SENP7: variants seen among roughly 807,000 people sequenced by gnomAD.
SENP7 encodes SUMO specific peptidase 7, also known as sentrin-specific protease 7.
Under a neutral mutation model 141.2 loss-of-function variants are expected in SENP7, and 64 were observed. That is an observed-to-expected ratio of 0.45 (90% CI 0.37 to 0.56). The LOEUF is 0.56. SENP7 is among the 20% of genes least tolerant of loss of function. The pLI is 0.00. For synonymous variants in SENP7, 382 were observed against 426.4 expected (o/e 0.90, Z 1.28); for missense variants, 1,025 against 1,212.2 (o/e 0.85, Z 2.29).
At position 101,372,080 on chromosome 3, in the gene SENP7, T is replaced by A. The variant is rs116197973; in HGVS notation, c.724A>T (p.Thr242Ser). Residue 242 changes from threonine (T) to serine (S), a missense_variant, in exon 7 of 24, where the codon ACT (threonine) becomes TCT (serine). Thr to Ser is a moderately conservative substitution (Grantham distance 58). Transcript: ENST00000394095. ...CTTCGTTTTTCTTTATTGTGCGCAG[T>A]CTGCTTTGCAGAATTGTCATCTACT... is the stretch of plus-strand genomic sequence containing the variant. ...KTVDDNSAKQ[T>S]AHNKEKRRKD... 1.8e-3 allele frequency: 2,852 copies of A among 1,570,310 alleles called. 48 individuals are homozygous for A. In the African/African-American group the frequency reaches 0.035, roughly 19 times the overall value.
Position 101,469,810 on chromosome 3 carries a change from G to A in SENP7, c.187-10758C>T, listed in dbSNP as rs1434287611. Among the ~76,000 whole-genome samples, 3 of 71,044 alleles carry A rather than the reference G, an allele frequency of 4.2e-5. 1 individual carries two copies. The highest frequency in any genetic ancestry group is 8.8e-4 in the East Asian group (2 of 2,276). The allele number at this position is 71,044 out of a possible 152,430, so 46.6% of individuals were successfully genotyped here. A position where few individuals can be genotyped will look rare whatever the true frequency, so the allele number is the denominator to read the frequency against. On this transcript the variant is annotated intron_variant, in intron 3 of 23. Transcript: ENST00000394095. ...CTGCAGTCCGTAGTCCGGCCTGGGC[G>A]ACAGAGCAAGACTCCGTCTCAAAAA...
At chr3:101,453,997 T>A in intron 4 of SENP7, among the ~76,000 whole-genome samples, 1 of 150,566 alleles carries the variant, frequency 6.6e-6, no homozygotes, top group African/African-American at 2.4e-5. Context: ...GATGGAAAGA[T>A]GGAAGGAAAG....
chr3:101,367,734 A>C, intron 8 of SENP7, 96 bp downstream of exon 8: 1 of 747,328 alleles, frequency 1.3e-6, no homozygotes, highest in Non-Finnish European at 2.1e-6. Context: ...CTCATAATAA[A>C]AGCTGAAAGC....
chr3:101,330,437 C>G (rs1377498033), intron 19 of SENP7, 51 bp from the exon 20 acceptor site: 3 of 1,259,502 alleles, frequency 2.4e-6, no homozygotes, highest in Non-Finnish European at 3.4e-6. Flanking sequence ...TGTTTTTATA[C>G]AGGTAACTTA....
chr3:101,360,460 T>C (rs1420734607), intron 11 of SENP7, among the ~76,000 whole-genome samples: 1 of 152,236 alleles, frequency 6.6e-6, no homozygotes, highest in Non-Finnish European at 1.5e-5. Context: ...TATGTGTCTG[T>C]CTCTTCCATT....
chr3:101,343,929 A>G lies in SENP7; in HGVS notation c.1863T>C (p.Leu621=). The G allele has an allele frequency of 6.3e-7, 1 of 1,587,354 alleles. No individual in the cohort carries two copies. The highest frequency in any genetic ancestry group is 8.6e-7 in the Non-Finnish European group (1 of 1,167,602). ...TTTGTGAAACAGGATTGTGTAGTTC[A>G]AGGAAAATGAATTCACTAGATTTTG... The part of the protein sequence containing the change: ...QQSKSSEFIF[L]ELHNPVSQRE... Residue 621 remains leucine, a synonymous_variant, in exon 14 of 24, where the codon CTT becomes CTC. Coordinates refer to ENST00000394095, the MANE Select transcript of SENP7 (RefSeq NM_020654.5).
chr3:101,462,146 G>A (rs2063566728), intron 3 of SENP7, among the ~76,000 whole-genome samples: 1 of 152,234 alleles, frequency 6.6e-6, no homozygotes, highest in Non-Finnish European at 1.5e-5. Context: ...CCACTAAATT[G>A]AATGCCATAA....
intron 13 of SENP7, 93 bp downstream of exon 13, chr3:101,347,779 C>A: frequency 1.1e-5 from 6 of 526,452 alleles, no homozygotes; most frequent in South Asian, 5.7e-5. Flanking sequence ...AATTTCAATT[C>A]ACTGAAATAA....
intron 1 of SENP7, among the ~76,000 whole-genome samples, chr3:101,508,385 A>C (rs541269825): frequency 1.5e-4 from 23 of 152,234 alleles, no homozygotes; most frequent in African/African-American, 5.5e-4. Context: ...TCACGAGGTC[A>C]GGAGATCAAG....
intron 4 of SENP7, chr3:101,457,403 C>T: frequency 6.6e-7 from 1 of 1,505,084 alleles, no homozygotes; most frequent in Non-Finnish European, 9.2e-7. Flanking sequence ...CTACACCAAG[C>T]TGGTTTAAGA....
intron 3 of SENP7, among the ~76,000 whole-genome samples, chr3:101,483,354 TCA>T (rs2064581479): frequency 2.0e-5 from 3 of 152,208 alleles, no homozygotes; most frequent in Admixed American, 6.5e-5. Flanking sequence ...CTACATGTTC[TCA>T]CTTATGGCCA....
At chr3:101,393,609 A>C (rs76380093) in intron 6 of SENP7, among the ~76,000 whole-genome samples, 201 of 152,334 alleles carry the variant, frequency 1.3e-3, no homozygotes, top group Non-Finnish European at 1.5e-3. Flanking sequence ...TTCACTAATT[A>C]GGGAAATATA....
intron 4 of SENP7, among the ~76,000 whole-genome samples, chr3:101,448,145 G>C (rs1231416652): frequency 6.6e-6 from 1 of 152,166 alleles, no homozygotes; most frequent in South Asian, 2.1e-4. Flanking sequence ...AAAACTCTTA[G>C]AAGAAAACAC....
chr3:101,386,672 G>A (rs558089630), intron 6 of SENP7, among the ~76,000 whole-genome samples: 7 of 152,298 alleles, frequency 4.6e-5, no homozygotes, highest in East Asian at 1.9e-4. Flanking sequence ...AGTATCCTGC[G>A]TGCCAGAAAA....
At chr3:101,483,377 C>T (rs2064582642) in intron 3 of SENP7, among the ~76,000 whole-genome samples, 1 of 152,148 alleles carries the variant, frequency 6.6e-6, no homozygotes, top group African/African-American at 2.4e-5. Context: ...CCCATGCCAT[C>T]TTTATGTCCA....
intron 11 of SENP7, among the ~76,000 whole-genome samples, chr3:101,360,402 T>C (rs938979500): frequency 6.6e-6 from 1 of 152,228 alleles, no homozygotes; most frequent in Non-Finnish European, 1.5e-5. Flanking sequence ...TGCACCCTTC[T>C]TGTACATATT....
intron 3 of SENP7, among the ~76,000 whole-genome samples, chr3:101,463,825 C>T (rs191955009): frequency 6.6e-6 from 1 of 151,968 alleles, no homozygotes; most frequent in African/African-American, 2.4e-5. Flanking sequence ...TTTATTCATT[C>T]ATTTATTTAT....
At chr3:101,428,184 T>G (rs2107700801) in intron 4 of SENP7, among the ~76,000 whole-genome samples, 1 of 152,360 alleles carries the variant, frequency 6.6e-6, no homozygotes, top group South Asian at 2.1e-4. Context: ...TACAGTAGAA[T>G]GATCTATAAT....
intron 13 of SENP7, among the ~76,000 whole-genome samples, chr3:101,346,576 A>G (rs1166424192): frequency 6.6e-6 from 1 of 152,240 alleles, no homozygotes; most frequent in East Asian, 1.9e-4. Context: ...CTACTCAGCC[A>G]TAAAAAGGAA....
Sources: allele counts gnomAD v4.1 joint callset (sites outside exome capture counted in the v4.1 genomes callset), GRCh38; gene constraint gnomAD v4.1.1; transcripts MANE v1.5; gene names NCBI Gene and HGNC (gene_info 2026-07-23, HGNC 2026-07-21).